PRKG1: variants seen among roughly 807,000 people sequenced by gnomAD.
PRKG1 encodes protein kinase cGMP-dependent 1.
A neutral mutation model predicts 88.1 loss-of-function variants in PRKG1; 35 were observed. The ratio of observed to expected loss-of-function variants is 0.40; its 90% CI spans 0.30 to 0.53. The LOEUF (loss-of-function observed/expected upper bound fraction) is 0.53. Among genes scored for constraint, PRKG1 ranks in the 20% least tolerant of loss-of-function variants. PRKG1 has a pLI of 0.59. For synonymous variants in PRKG1, 303 were observed against 292.5 expected (o/e 1.04, Z -0.37); for missense variants, 540 against 839.8 (o/e 0.64, Z 4.41).
intron 3 of PRKG1, among the ~76,000 whole-genome samples, chr10:51,578,662 A>G (rs1436789841): frequency 6.6e-6 from 1 of 152,132 alleles, no homozygotes; most frequent in Admixed American, 6.6e-5. Context: ...TCAGCAATAA[A>G]TCTTCTATTT....
intron 3 of PRKG1, among the ~76,000 whole-genome samples, chr10:51,658,729 G>A (rs148273473): frequency 1.8e-3 from 268 of 152,144 alleles, no homozygotes; most frequent in African/African-American, 6.2e-3. Flanking sequence ...CATAGAGAGC[G>A]GTTCTTTTAA....
At chr10:50,992,613 G>A (rs2816836) in intron 1 of PRKG1, among the ~76,000 whole-genome samples, 1 of 152,012 alleles carries the variant, frequency 6.6e-6, no homozygotes, top group Non-Finnish European at 1.5e-5. Context: ...CACTTTAAGA[G>A]ACAAATCCTG....
chr10:52,198,039 T>C (rs1414758515), intron 9 of PRKG1, among the ~76,000 whole-genome samples: 1 of 152,198 alleles, frequency 6.6e-6, no homozygotes, highest in East Asian at 1.9e-4. Flanking sequence ...GCAGTTCATC[T>C]TTGAGTATGA....
intron 2 of PRKG1, among the ~76,000 whole-genome samples, chr10:51,219,660 A>G (rs1045961510): frequency 6.6e-6 from 1 of 152,040 alleles, no homozygotes; most frequent in African/African-American, 2.4e-5. Context: ...CAGTGAGCCA[A>G]GATCACACCA....
intron 9 of PRKG1, among the ~76,000 whole-genome samples, chr10:52,180,393 T>C (rs1838985548): frequency 6.6e-6 from 1 of 152,228 alleles, no homozygotes; most frequent in Non-Finnish European, 1.5e-5. Flanking sequence ...CTTTGGATTT[T>C]TCTTTGGACA....
intron 3 of PRKG1, among the ~76,000 whole-genome samples, chr10:51,677,246 T>C (rs752526182): frequency 1.3e-5 from 2 of 152,206 alleles, no homozygotes; most frequent in Admixed American, 6.5e-5. Flanking sequence ...TTCCATTGTA[T>C]GCATATACCA....
chr10:51,421,771 G>C (rs546991124), intron 2 of PRKG1, among the ~76,000 whole-genome samples: 1 of 152,104 alleles, frequency 6.6e-6, no homozygotes, highest in Non-Finnish European at 1.5e-5. Flanking sequence ...TGAATTGTTA[G>C]TTTGAGTTAT....
chr10:52,242,644 C>A (rs1278956949), intron 9 of PRKG1, among the ~76,000 whole-genome samples: 1 of 152,064 alleles, frequency 6.6e-6, no homozygotes, highest in Admixed American at 6.6e-5. Context: ...CACCTGTAAT[C>A]CCAACACTTT....
chr10:52,274,318 C>T (rs897460504), intron 12 of PRKG1, among the ~76,000 whole-genome samples: 1 of 149,382 alleles, frequency 6.7e-6, no homozygotes, highest in African/African-American at 2.4e-5. Flanking sequence ...TTGCATCATT[C>T]GTATGCCTTT....
intron 2 of PRKG1, among the ~76,000 whole-genome samples, chr10:51,373,695 C>G (rs1018705616): frequency 1.3e-5 from 2 of 152,102 alleles, no homozygotes; most frequent in Non-Finnish European, 1.5e-5. Context: ...TACATACACA[C>G]CACAGAATAC....
chr10:51,398,845 C>T (rs1191232625), intron 2 of PRKG1, among the ~76,000 whole-genome samples: 1 of 152,168 alleles, frequency 6.6e-6, no homozygotes, highest in Non-Finnish European at 1.5e-5. Flanking sequence ...TTTCCTTGTT[C>T]CTGAAGACCT....
In PRKG1 at chr10:51,378,244, A is replaced by T. The variant is rs1325913479; in HGVS notation, c.479-89479A>T. 3.9e-5 allele frequency among the ~76,000 whole-genome samples: 6 copies of T among 152,334 alleles called. No individual in the cohort carries two copies. In the East Asian group the frequency reaches 1.2e-3, roughly 29 times the overall value. ...AAATGGTTACTTTGAGACAGTGGGG[A>T]ATCCATACCAGGAGCACTAAGCTTC... On this transcript the variant is annotated intron_variant, in intron 2 of 17. Coordinates refer to ENST00000373980, the MANE Select transcript of PRKG1 (RefSeq NM_006258.4).
chr10:51,309,660 A>G (rs1202905719), intron 2 of PRKG1, among the ~76,000 whole-genome samples: 2 of 151,918 alleles, frequency 1.3e-5, no homozygotes, highest in Non-Finnish European at 2.9e-5. Context: ...ATAAGTTAGA[A>G]CAACCTCTAT....
chr10:51,064,069 C>G (rs1000826508), intron 1 of PRKG1, among the ~76,000 whole-genome samples: 3 of 152,054 alleles, frequency 2.0e-5, no homozygotes, highest in Admixed American at 6.5e-5. Flanking sequence ...ATTTAAATCT[C>G]AATCAGAAAC....
chr10:52,071,390 T>G (rs1846493367), intron 7 of PRKG1, among the ~76,000 whole-genome samples: 1 of 152,170 alleles, frequency 6.6e-6, no homozygotes, highest in Non-Finnish European at 1.5e-5. Context: ...AGTGAAAACA[T>G]GTGTATTTGG....
chr10:51,311,413 G>A (rs1203353744), intron 2 of PRKG1, among the ~76,000 whole-genome samples: 2 of 152,174 alleles, frequency 1.3e-5, no homozygotes, highest in African/African-American at 2.4e-5. Flanking sequence ...CACTTAGATG[G>A]TGTGTTCAGT....
chr10:51,798,944 G>A (rs570561386), intron 3 of PRKG1, among the ~76,000 whole-genome samples: 73 of 152,058 alleles, frequency 4.8e-4, no homozygotes, highest in African/African-American at 1.4e-3. Context: ...CTAGAAAGTC[G>A]AATATTAGGG....
At chr10:51,345,282 C>A (rs1842087331) in intron 2 of PRKG1, among the ~76,000 whole-genome samples, 1 of 152,124 alleles carries the variant, frequency 6.6e-6, no homozygotes, top group South Asian at 2.1e-4. Context: ...ATTACAACCT[C>A]TTTTAATCTT....
At chr10:51,576,815 A>T (rs560727076) in intron 3 of PRKG1, among the ~76,000 whole-genome samples, 6 of 151,902 alleles carry the variant, frequency 3.9e-5, no homozygotes, top group African/African-American at 1.2e-4. Flanking sequence ...TGTGATAGTA[A>T]TTTTTTTCAT....
Sources: allele counts gnomAD v4.1 joint callset (sites outside exome capture counted in the v4.1 genomes callset), GRCh38; gene constraint gnomAD v4.1.1; transcripts MANE v1.5; gene names NCBI Gene and HGNC (gene_info 2026-07-23, HGNC 2026-07-21).